SUPT3H: variants seen among roughly 807,000 people sequenced by gnomAD.
The protein encoded by SUPT3H is transcription initiation protein SPT3 homolog.
In SUPT3H, 44 loss-of-function variants were observed where a neutral mutation model predicts 44.3. The ratio of observed to expected loss-of-function variants is 0.99; its 90% CI spans 0.78 to 1.28. The LOEUF (loss-of-function observed/expected upper bound fraction) is 1.28, where lower values mean the gene tolerates loss of function less well. Among genes scored for constraint, SUPT3H ranks in the 50% most tolerant of loss-of-function variants. The probability of loss-of-function intolerance (pLI) is 0.00; values close to 1 mark genes in which losing one functional copy is unlikely to be tolerated. For missense variants in SUPT3H, 380 were observed against 387.1 expected (o/e 0.98, Z 0.15); for synonymous variants, 124 against 125.6 (o/e 0.99, Z 0.09).
In SUPT3H at chr6:44,906,880, T is replaced by C. The variant is rs79904786; in HGVS notation, c.912+25773A>G. On this transcript the variant is annotated intron_variant, in intron 10 of 10. Coordinates refer to ENST00000371459, the MANE Select transcript of SUPT3H (RefSeq NM_003599.4). Reference sequence around the variant, plus strand: ...TTGTTGTTTTTACTCTCAAATGCATTAGTACTTTTCCTGATGTACTTTGGA... The same window carrying C: ...TTGTTGTTTTTACTCTCAAATGCATCAGTACTTTTCCTGATGTACTTTGGA... Among the ~76,000 whole-genome samples the C allele has an allele frequency of 6.5e-3, 995 of 152,352 alleles. 13 individuals carry two copies. Among genetic ancestry groups the C allele is most frequent in the African/African-American group, 0.023 (939 of 41,590 alleles).
At chr6:45,366,952 A>T (rs760916832) in intron 1 of SUPT3H, among the ~76,000 whole-genome samples, 3 of 152,126 alleles carry the variant, frequency 2.0e-5, no homozygotes, top group Non-Finnish European at 2.9e-5. Context: ...ATATCTTTCT[A>T]ATCTAACCAC....
rs1391932436 is a variant in SUPT3H, at chr6:45,080,489, C to T, written c.186+25433G>A. Among the ~76,000 whole-genome samples, 5 of 151,816 alleles carry T rather than the reference C, an allele frequency of 3.3e-5. No homozygotes were observed. In the East Asian group the frequency reaches 5.8e-4, roughly 18 times the overall value. On this transcript the variant is annotated intron_variant, in intron 3 of 10. Transcript: ENST00000371459. ...TATATTGAAAAGATATCTGCATTCC[C>T]GTGTTTACTAGTCACAATAGTAAAG...
chr6:44,896,326 T>A (rs981804738), intron 10 of SUPT3H, among the ~76,000 whole-genome samples: 2 of 152,192 alleles, frequency 1.3e-5, no homozygotes, highest in African/African-American at 4.8e-5. Context: ...TTATTAACAC[T>A]TAGGGTCCTA....
At chr6:45,275,363 T>C (rs1049702696) in intron 2 of SUPT3H, among the ~76,000 whole-genome samples, 33 of 152,218 alleles carry the variant, frequency 2.2e-4, no homozygotes, top group African/African-American at 8.0e-4. Flanking sequence ...TATGTTTTAC[T>C]TTACCATTTT....
intron 10 of SUPT3H, among the ~76,000 whole-genome samples, chr6:44,921,560 C>A (rs1768727927): frequency 6.6e-6 from 1 of 152,176 alleles, no homozygotes; most frequent in South Asian, 2.1e-4. Context: ...GTGTAGAAAC[C>A]AAGCTAGCTC....
chr6:44,930,959 A>G (rs1001846356), intron 10 of SUPT3H, among the ~76,000 whole-genome samples: 1 of 152,208 alleles, frequency 6.6e-6, no homozygotes, highest in Admixed American at 6.5e-5. Context: ...AAAAGTAGTA[A>G]TACATAAGTA....
chr6:45,159,233 A>G (rs932871668), intron 2 of SUPT3H: 1 of 152,190 alleles, frequency 6.6e-6, no homozygotes, highest in Admixed American at 6.5e-5. Flanking sequence ...CCATTTTCCA[A>G]TGATGCAATA....
chr6:45,274,647 G>T (rs1290565982), intron 2 of SUPT3H, among the ~76,000 whole-genome samples: 1 of 152,228 alleles, frequency 6.6e-6, no homozygotes, highest in Non-Finnish European at 1.5e-5. Context: ...CTGGGAGGCT[G>T]AGGCAGGTGG....
At position 45,037,284 on chromosome 6, in the gene SUPT3H, G is replaced by A. The variant is rs562042198; in HGVS notation, c.187-16652C>T. Among the ~76,000 whole-genome samples the A allele has an allele frequency of 5.9e-5, 9 of 151,570 alleles. No homozygotes were observed. In the South Asian group the frequency reaches 1.5e-3, roughly 25 times the overall value. ...GCAGTGGAAGGGGGTAAGAAATGGA[G>A]GGAGAAAAGAAAAGATGCAGAAAAA... On this transcript the variant is annotated intron_variant, in intron 3 of 10. Transcript: ENST00000371459.
intron 2 of SUPT3H, among the ~76,000 whole-genome samples, chr6:45,199,290 A>C (rs985379662): frequency 1.3e-5 from 2 of 151,210 alleles, no homozygotes; most frequent in Non-Finnish European, 3.0e-5. Flanking sequence ...TTAATTTTTA[A>C]CTATTTTATT....
In SUPT3H at chr6:45,107,538, T is replaced by A. The variant is rs552805194; in HGVS notation, c.102-1532A>T. 8.5e-4 allele frequency among the ~76,000 whole-genome samples: 130 copies of A among 152,286 alleles called. 1 individual carries two copies. Among genetic ancestry groups the A allele is most frequent in the Non-Finnish European group, 3.4e-4 (23 of 68,022 alleles). ...GAAAAAAATCTTCCCTAAGAATTGT[T>A]AACTATAAATTCACTTCCATGGTGC... On this transcript the variant is annotated intron_variant, in intron 2 of 10. Coordinates refer to ENST00000371459, the MANE Select transcript of SUPT3H (RefSeq NM_003599.4).
intron 2 of SUPT3H, among the ~76,000 whole-genome samples, chr6:45,107,712 C>A (rs975862270): frequency 1.3e-5 from 2 of 151,972 alleles, no homozygotes; most frequent in African/African-American, 4.8e-5. Context: ...GAAAGAATTC[C>A]CATGGATGAC....
chr6:45,312,431 C>T (rs1268723026), intron 2 of SUPT3H, among the ~76,000 whole-genome samples: 1 of 149,934 alleles, frequency 6.7e-6, no homozygotes, highest in Non-Finnish European at 1.5e-5. Context: ...AGGAGAATGG[C>T]GTGAACCCAG....
intron 2 of SUPT3H, among the ~76,000 whole-genome samples, chr6:45,107,084 G>A (rs1799390889): frequency 6.6e-6 from 1 of 152,158 alleles, no homozygotes; most frequent in Non-Finnish European, 1.5e-5. Flanking sequence ...AAAAAGGCTG[G>A]CCTTAGAATT....
chr6:45,089,295 T>C (rs1310546793), intron 3 of SUPT3H, among the ~76,000 whole-genome samples: 37 of 152,036 alleles, frequency 2.4e-4, no homozygotes, highest in Non-Finnish European at 2.9e-5. Flanking sequence ...TCAATCTATA[T>C]GTTACATTTC....
intron 2 of SUPT3H, among the ~76,000 whole-genome samples, chr6:45,315,193 A>G (rs550462730): frequency 2.0e-5 from 3 of 152,330 alleles, no homozygotes; most frequent in Admixed American, 6.5e-5. Flanking sequence ...CTAGAAGTTA[A>G]CATTGGAAAA....
intron 6 of SUPT3H, among the ~76,000 whole-genome samples, chr6:44,988,239 G>A (rs1780090425): frequency 6.6e-6 from 1 of 151,906 alleles, no homozygotes; most frequent in Non-Finnish European, 1.5e-5. Flanking sequence ...TGATGATCTA[G>A]AAGATACTTG....
At chr6:45,130,859 A>G (rs1329493229) in intron 2 of SUPT3H, among the ~76,000 whole-genome samples, 1 of 151,790 alleles carries the variant, frequency 6.6e-6, no homozygotes, top group African/African-American at 2.4e-5. Context: ...CTGGGATTAC[A>G]GGCATGTGCC....
intron 2 of SUPT3H, among the ~76,000 whole-genome samples, chr6:45,273,411 T>C (rs1776523065): frequency 6.6e-6 from 1 of 152,154 alleles, no homozygotes; most frequent in South Asian, 2.1e-4. Context: ...CCACCCAAGC[T>C]TCCCCATAAA....
Sources: allele counts gnomAD v4.1 joint callset (sites outside exome capture counted in the v4.1 genomes callset), GRCh38; gene constraint gnomAD v4.1.1; transcripts MANE v1.5; gene names NCBI Gene and HGNC (gene_info 2026-07-23, HGNC 2026-07-21).